UNC5B: variants seen among roughly 807,000 people sequenced by gnomAD.
UNC5B encodes netrin receptor UNC5B.
A neutral mutation model predicts 103.7 loss-of-function variants in UNC5B; 56 were observed. The ratio of observed to expected loss-of-function variants is 0.54; its 90% CI spans 0.44 to 0.67. The LOEUF is 0.67. Among genes scored for constraint, UNC5B ranks in the 30% least tolerant of loss-of-function variants. UNC5B has a pLI of 0.00. For missense variants in UNC5B, 1,194 were observed against 1,284.5 expected (o/e 0.93, Z 1.08); for synonymous variants, 577 against 542.0 (o/e 1.06, Z -0.90).
At position 71,279,932 on chromosome 10, in the gene UNC5B, C is replaced by T; in HGVS notation, c.191C>T (p.Pro64Leu). 2 of 1,613,994 alleles carry T rather than the reference C, an allele frequency of 1.2e-6. No homozygotes were observed. The highest frequency in any genetic ancestry group is 2.2e-5 in the South Asian group (2 of 91,090). ...PQDAYIVKNK[P>L]VELRCRAFPA... is the part of the protein sequence containing the mutation. Reference sequence around the variant, plus strand: ...GACGCCTACATTGTGAAGAACAAGCCTGTGGAGCTCCGCTGCCGCGCCTTC... The same window carrying T: ...GACGCCTACATTGTGAAGAACAAGCTTGTGGAGCTCCGCTGCCGCGCCTTC... The change falls in exon 2 of 17, where the codon CCT becomes CTT. Residue 64 changes from proline (P) to leucine (L), a missense_variant. Physicochemically the swap from Pro to Leu is moderately conservative, Grantham distance 98. Transcript: ENST00000335350.
intron 1 of UNC5B, among the ~76,000 whole-genome samples, chr10:71,253,329 A>G (rs1844218620): frequency 6.6e-6 from 1 of 152,244 alleles, no homozygotes; most frequent in Non-Finnish European, 1.5e-5. Flanking sequence ...GCCCAGGCCC[A>G]GGAGTAGACA....
chr10:71,282,682 T>G (rs1425222655), intron 2 of UNC5B, among the ~76,000 whole-genome samples: 2 of 152,130 alleles, frequency 1.3e-5, no homozygotes, highest in Non-Finnish European at 2.9e-5. Flanking sequence ...CTTCCCTGGA[T>G]GGCATACCCC....
chr10:71,239,462 G>A (rs768134795), intron 1 of UNC5B, among the ~76,000 whole-genome samples: 1 of 152,130 alleles, frequency 6.6e-6, no homozygotes, highest in African/African-American at 2.4e-5. Flanking sequence ...GCAGTTAGGG[G>A]CTCCTCATGC....
intron 1 of UNC5B, among the ~76,000 whole-genome samples, chr10:71,266,328 T>C (rs1272304274): frequency 6.6e-6 from 1 of 152,000 alleles, no homozygotes; most frequent in Non-Finnish European, 1.5e-5. Context: ...TTGCTCCCCT[T>C]CACCCTCCCC....
chr10:71,294,001 C>A, intron 13 of UNC5B, 68 bp downstream of exon 13: 1 of 1,422,568 alleles, frequency 7.0e-7, no homozygotes, highest in East Asian at 2.5e-5. Flanking sequence ...CAGAATCCCC[C>A]ACCCCAGGCT....
chr10:71,244,983 T>G (rs906452002), intron 1 of UNC5B, among the ~76,000 whole-genome samples: 4 of 152,250 alleles, frequency 2.6e-5, no homozygotes, highest in African/African-American at 9.6e-5. Context: ...ATGTGTGTGT[T>G]TATTTTGGAC....
At chr10:71,298,892 A>G (rs1350211580) in intron 16 of UNC5B, among the ~76,000 whole-genome samples, 1 of 152,212 alleles carries the variant, frequency 6.6e-6, no homozygotes, top group Non-Finnish European at 1.5e-5. Flanking sequence ...GGTAACTGGC[A>G]TTGTTCCCAT....
intron 1 of UNC5B, among the ~76,000 whole-genome samples, chr10:71,226,391 A>C (rs556164532): frequency 1.3e-5 from 2 of 152,324 alleles, no homozygotes; most frequent in African/African-American, 4.8e-5. Context: ...CATTTTTAAT[A>C]ACTGAATAAC....
intron 1 of UNC5B, among the ~76,000 whole-genome samples, chr10:71,227,711 C>CATATATATATACACACAT (rs1564707156): frequency 2.6e-5 from 2 of 75,960 alleles, no homozygotes; most frequent in African/African-American, 7.2e-5. Context: ...CACATATACA[C>CATATATATATACACACAT]ACACACACAC....
intron 1 of UNC5B, chr10:71,217,284 T>C (rs1394492843): frequency 6.6e-6 from 1 of 152,662 alleles, no homozygotes; most frequent in African/African-American, 2.4e-5. Context: ...ATTAGAATAA[T>C]ACAAGGAGAG....
Position 71,212,694 on chromosome 10 carries a change from G to T in UNC5B, c.-292G>T. ...GCTGCGAGCGCCACTGAGCGGTCGC[G>T]CAACTTCGGAGGCACAGCGCCGGAG... On this transcript the variant is annotated 5_prime_UTR_variant, in exon 1 of 17. Transcript: ENST00000335350. The T allele has an allele frequency of 3.5e-6, 1 of 283,820 alleles. No individual in the cohort carries two copies. The highest frequency in any genetic ancestry group is 5.3e-5 in the Admixed American group (1 of 18,850). 17.6% of individuals were successfully genotyped at this position (283,820 alleles called of 1,614,324 possible).
Position 71,297,913 on chromosome 10 carries a change from C to G in UNC5B, c.2495C>G (p.Pro832Arg), listed in dbSNP as rs747630370. 6.2e-7 allele frequency: 1 copy of G among 1,611,802 alleles called. No individual in the cohort carries two copies. Among genetic ancestry groups the G allele is most frequent in the South Asian group, 1.1e-5 (1 of 90,700 alleles). Residue 832 changes from proline (P) to arginine (R), a missense_variant, in exon 16 of 17, where the codon CCT becomes CGT. Physicochemically the swap from Pro to Arg is moderately radical, Grantham distance 103. Transcript: ENST00000335350. ...FQLHTTLAET[P>R]AGSLDTLCSA... ...TCTTGGCCCCCACCCTTGCAGACAC[C>G]TGCTGGCTCCCTGGACACTCTCTGC... is the stretch of plus-strand genomic sequence containing the variant.
At chr10:71,264,578 A>G (rs1415401989) in intron 1 of UNC5B, among the ~76,000 whole-genome samples, 1 of 152,196 alleles carries the variant, frequency 6.6e-6, no homozygotes, top group Non-Finnish European at 1.5e-5. Context: ...GAATCATAGA[A>G]GTGTTAAGGA....
intron 1 of UNC5B, among the ~76,000 whole-genome samples, chr10:71,254,025 C>T (rs538566035): frequency 1.3e-5 from 2 of 152,172 alleles, no homozygotes; most frequent in Non-Finnish European, 2.9e-5. Flanking sequence ...CAACTCAGCA[C>T]AGGGGGAAAC....
In UNC5B at chr10:71,300,621, G is replaced by C. The variant is rs1235442858; in HGVS notation, c.*1344G>C. The C allele has an allele frequency of 6.6e-6, 1 of 152,376 alleles. No homozygotes were observed. Among genetic ancestry groups the C allele is most frequent in the African/African-American group, 2.4e-5 (1 of 41,462 alleles). 9.4% of individuals were successfully genotyped at this position (152,376 alleles called of 1,614,324 possible). A position where few individuals can be genotyped will look rare whatever the true frequency, so the allele number is the denominator to read the frequency against. ...AGCGTGGTGCTCTCTTGATGGCCAG[G>C]AATCCAGAATCTGCCCTTCCCCAAC... On this transcript the variant is annotated 3_prime_UTR_variant, in exon 17 of 17. Coordinates refer to ENST00000335350, the MANE Select transcript of UNC5B (RefSeq NM_170744.5).
chr10:71,302,786 C>G lies in UNC5B; in HGVS notation c.*3509C>G, dbSNP rs1250925628. 6.6e-6 allele frequency: 1 copy of G among 152,142 alleles called. No homozygotes were observed. Among genetic ancestry groups the G allele is most frequent in the Non-Finnish European group, 1.5e-5 (1 of 68,024 alleles). 9.4% of individuals were successfully genotyped at this position (152,142 alleles called of 1,614,324 possible). A position where few individuals can be genotyped will look rare whatever the true frequency, so the allele number is the denominator to read the frequency against. ...CCTCTGTTTATTCTGTAAACTGCAA[C>G]CTATAAATAACCTTTAGCATTCCTA... On this transcript the variant is annotated 3_prime_UTR_variant, in exon 17 of 17. Transcript: ENST00000335350.
At chr10:71,224,558 C>T (rs1843523724) in intron 1 of UNC5B, among the ~76,000 whole-genome samples, 1 of 152,218 alleles carries the variant, frequency 6.6e-6, no homozygotes, top group Non-Finnish European at 1.5e-5. Flanking sequence ...CCTTTTCCCT[C>T]TCTGAGCTTC....
At chr10:71,240,001 G>A (rs2132258039) in intron 1 of UNC5B, among the ~76,000 whole-genome samples, 1 of 152,274 alleles carries the variant, frequency 6.6e-6, no homozygotes, top group Non-Finnish European at 1.5e-5. Context: ...GGAAAGGCTG[G>A]GCTGGGGCTC....
chr10:71,253,693 C>A (rs1182107294), intron 1 of UNC5B, among the ~76,000 whole-genome samples: 1 of 152,126 alleles, frequency 6.6e-6, no homozygotes, highest in Non-Finnish European at 1.5e-5. Flanking sequence ...GCCAGGGCTG[C>A]CAAGGGGAGG....
Sources: allele counts gnomAD v4.1 joint callset (sites outside exome capture counted in the v4.1 genomes callset), GRCh38; gene constraint gnomAD v4.1.1; transcripts MANE v1.5; gene names NCBI Gene and HGNC (gene_info 2026-07-23, HGNC 2026-07-21).